The following DLC1 variants were observed in gnomAD, a reference collection of about 807,000 sequenced individuals.
The protein encoded by DLC1 is rho GTPase-activating protein 7.
DLC1 carries 54 observed loss-of-function variants against 140.3 expected under a neutral mutation model. That is an observed-to-expected ratio of 0.38 (90% CI 0.31 to 0.48). DLC1 has a LOEUF of 0.48. Ranked by LOEUF, DLC1 falls within the 20% of genes least tolerant of loss-of-function variation. The probability of loss-of-function intolerance (pLI) is 0.96; values close to 1 mark genes in which losing one functional copy is unlikely to be tolerated. For missense variants in DLC1, 2,536 were observed against 1,907.0 expected (o/e 1.33, Z -6.14); for synonymous variants, 986 against 728.1 (o/e 1.35, Z -5.70).
chr8:13,178,232 G>C (rs1265675499), intron 5 of DLC1, among the ~76,000 whole-genome samples: 1 of 152,048 alleles, frequency 6.6e-6, no homozygotes, highest in African/African-American at 2.4e-5. Context: ...AGTCTTCATA[G>C]ACAACCCAAA....
At chr8:13,367,313 G>T (rs192072896) in intron 4 of DLC1, among the ~76,000 whole-genome samples, 95 of 152,268 alleles carry the variant, frequency 6.2e-4, no homozygotes, top group Admixed American at 5.6e-3. Context: ...ATCATGAACT[G>T]TGAGGAAACC....
chr8:13,212,806 C>T (rs577734901), intron 5 of DLC1, among the ~76,000 whole-genome samples: 1 of 152,186 alleles, frequency 6.6e-6, no homozygotes, highest in South Asian at 2.1e-4. Flanking sequence ...CATATAACAG[C>T]TTGGGAGGCA....
chr8:13,362,659 G>A (rs1259571726), intron 4 of DLC1, among the ~76,000 whole-genome samples: 1 of 152,000 alleles, frequency 6.6e-6, no homozygotes, highest in East Asian at 1.9e-4. Flanking sequence ...AACAAGGGGG[G>A]TGTGGAAGAG....
intron 10 of DLC1, among the ~76,000 whole-genome samples, chr8:13,096,781 G>C (rs562255191): frequency 6.6e-6 from 1 of 152,186 alleles, no homozygotes; most frequent in Non-Finnish European, 1.5e-5. Context: ...TTGCTTTGCC[G>C]ACTTTCTCAA....
intron 4 of DLC1, among the ~76,000 whole-genome samples, chr8:13,361,477 G>T (rs1442623627): frequency 6.6e-6 from 1 of 151,664 alleles, no homozygotes; most frequent in African/African-American, 2.4e-5. Context: ...TGTTACTCAG[G>T]CTGGTCTTGC....
At chr8:13,296,660 T>G (rs992807081) in intron 5 of DLC1, among the ~76,000 whole-genome samples, 2 of 152,076 alleles carry the variant, frequency 1.3e-5, no homozygotes, top group Non-Finnish European at 2.9e-5. Flanking sequence ...GAGCACCTAC[T>G]CTGTGCAAGA....
intron 5 of DLC1, among the ~76,000 whole-genome samples, chr8:13,232,010 C>T (rs904554387): frequency 6.6e-6 from 1 of 152,122 alleles, no homozygotes; most frequent in Non-Finnish European, 1.5e-5. Flanking sequence ...CTTTTGTTCA[C>T]TTTAAGACTT....
chr8:13,597,403 G>A (rs1805718949), intron 1 of DLC1, among the ~76,000 whole-genome samples: 2 of 151,886 alleles, frequency 1.3e-5, no homozygotes, highest in Non-Finnish European at 2.9e-5. Flanking sequence ...TGCTACTTTG[G>A]CCACTTGAGT....
At position 13,327,807 on chromosome 8, in the gene DLC1, A is replaced by C. The variant is rs1023835886; in HGVS notation, c.1315-22505T>G. On this transcript the variant is annotated intron_variant, in intron 4 of 17. Coordinates refer to ENST00000276297, the MANE Select transcript of DLC1 (RefSeq NM_182643.3). ...AGTGGGGGATGTCAATGTTAAACAAATAATTAAATGAATGGCCATTAATTA... is the reference window on the plus strand; with the variant it reads ...AGTGGGGGATGTCAATGTTAAACAACTAATTAAATGAATGGCCATTAATTA... Among the ~76,000 whole-genome samples the C allele has an allele frequency of 2.4e-4, 37 of 152,248 alleles. 1 individual carries two copies. The highest frequency in any genetic ancestry group is 2.2e-3 in the Admixed American group (34 of 15,288).
At chr8:13,542,397 T>C (rs1238181232) in intron 1 of DLC1, among the ~76,000 whole-genome samples, 1 of 152,348 alleles carries the variant, frequency 6.6e-6, no homozygotes, top group East Asian at 1.9e-4. Context: ...TTCTGTACCA[T>C]TGGTCTATAG....
intron 1 of DLC1, among the ~76,000 whole-genome samples, chr8:13,522,939 C>T (rs559725652): frequency 6.6e-6 from 1 of 152,016 alleles, no homozygotes; most frequent in African/African-American, 2.4e-5. Context: ...GAAGCGTGTG[C>T]CTGGCAGTTT....
chr8:13,326,236 C>T (rs1833342015), intron 4 of DLC1, among the ~76,000 whole-genome samples: 2 of 152,116 alleles, frequency 1.3e-5, no homozygotes. Flanking sequence ...AACTAATCCA[C>T]ATGCAAATTT....
intron 4 of DLC1, among the ~76,000 whole-genome samples, chr8:13,324,360 A>C (rs1365062419): frequency 6.7e-6 from 1 of 148,610 alleles, no homozygotes; most frequent in African/African-American, 2.5e-5. Flanking sequence ...CGAGGTCAGG[A>C]GATCGAGACC....
In DLC1 at chr8:13,378,007, C is replaced by G. The variant is rs573464585; in HGVS notation, c.1314+15546G>C. Among the ~76,000 whole-genome samples, 4 of 150,838 alleles carry G rather than the reference C, an allele frequency of 2.7e-5. No individual in the cohort carries two copies. In the East Asian group the frequency reaches 5.9e-4, roughly 22 times the overall value. On this transcript the variant is annotated intron_variant, in intron 4 of 17. Coordinates refer to ENST00000276297, the MANE Select transcript of DLC1 (RefSeq NM_182643.3). ...GTGTAGTAGTACCTTTGAAGTAGTA[C>G]TCTTTTAAGTGTTAATGATGTTACT...
chr8:13,538,553 G>T (rs959526533), intron 1 of DLC1, among the ~76,000 whole-genome samples: 6 of 152,086 alleles, frequency 3.9e-5, no homozygotes, highest in African/African-American at 1.2e-4. Context: ...TTTTTGTTGT[G>T]AGTCTTTACC....
At chr8:13,245,188 G>C (rs536083649) in intron 5 of DLC1, among the ~76,000 whole-genome samples, 46 of 152,284 alleles carry the variant, frequency 3.0e-4, no homozygotes, top group African/African-American at 1.1e-3. Context: ...CTGTGAGGAA[G>C]CCCAGGCTAT....
At chr8:13,408,187 C>A (rs149515636) in intron 2 of DLC1, among the ~76,000 whole-genome samples, 1 of 152,236 alleles carries the variant, frequency 6.6e-6, no homozygotes, top group Non-Finnish European at 1.5e-5. Flanking sequence ...TAGATATATT[C>A]CGTTCAACTC....
At chr8:13,426,163 A>G (rs1838574770) in intron 2 of DLC1, among the ~76,000 whole-genome samples, 1 of 152,096 alleles carries the variant, frequency 6.6e-6, no homozygotes, top group African/African-American at 2.4e-5. Context: ...TTGGATACAA[A>G]TTGAAAAGAT....
At position 13,567,712 on chromosome 8, in the gene DLC1, C is replaced by G. The variant is rs1251178162; in HGVS notation, c.-126+36825G>C. On this transcript the variant is annotated intron_variant, in intron 1 of 1. Transcript: ENST00000631382. The stretch of plus-strand genomic sequence containing the variant: ...TGAACATCTTCATACCAAAGACTTT[C>G]TCACCCGTATTGGAGAAGCACATCA... 5 of 1,552,084 alleles carry G rather than the reference C, an allele frequency of 3.2e-6. No individual in the cohort carries two copies. In the South Asian group the frequency reaches 4.8e-5, roughly 15 times the overall value.
Sources: allele counts gnomAD v4.1 joint callset (sites outside exome capture counted in the v4.1 genomes callset), GRCh38; gene constraint gnomAD v4.1.1; transcripts MANE v1.5; gene names NCBI Gene and HGNC (gene_info 2026-07-23, HGNC 2026-07-21).